Variants in BMPR1A observed in about 807,000 individuals in gnomAD.
BMPR1A encodes the protein bone morphogenetic protein receptor type 1A.
In BMPR1A, 7 loss-of-function variants were observed where a neutral mutation model predicts 66.0. The observed-to-expected ratio is 0.11, with a 90% confidence interval of 0.06 to 0.20. BMPR1A has a LOEUF of 0.20. Among genes scored for constraint, BMPR1A ranks in the 10% least tolerant of loss-of-function variants. The pLI, the probability that BMPR1A is intolerant of heterozygous loss-of-function variation, is 1.00. For missense variants in BMPR1A, 408 were observed against 669.1 expected (o/e 0.61, Z 4.31); for synonymous variants, 200 against 229.7 (o/e 0.87, Z 1.17).
Position 86,791,287 on chromosome 10 carries a change from A to G in BMPR1A, c.-268+34368A>G, listed in dbSNP as rs556243282. 4.7e-5 allele frequency among the ~76,000 whole-genome samples: 7 copies of G among 149,084 alleles called. No homozygotes were observed. The South Asian group carries it at 1.5e-3, about 32-fold the overall frequency. On this transcript the variant is annotated intron_variant, in intron 1 of 12. Coordinates refer to ENST00000372037, the MANE Select transcript of BMPR1A (RefSeq NM_004329.3). ...GAGTGCAGTGGTGCGATCTCGGCTC[A>G]CTGCAAGCTCCGCCTCCTGGGTTCA...
chr10:86,915,525 T>C (rs7918681), intron 8 of BMPR1A, among the ~76,000 whole-genome samples: 8,990 of 151,568 alleles, frequency 0.059, 628 homozygotes, highest in African/African-American at 0.17. Context: ...GGTCAGGTGT[T>C]CGAGACCAGT....
At chr10:86,817,836 A>G (rs564296072) in intron 1 of BMPR1A, among the ~76,000 whole-genome samples, 1 of 152,346 alleles carries the variant, frequency 6.6e-6, no homozygotes, top group Admixed American at 6.5e-5. Flanking sequence ...AAAACTGGAG[A>G]AAGAGAACCC....
intron 2 of BMPR1A, among the ~76,000 whole-genome samples, chr10:86,849,190 G>C (rs61858633): frequency 0.023 from 3,562 of 152,180 alleles, 66 homozygotes; most frequent in Non-Finnish European, 0.035. Context: ...TTATTCCTTT[G>C]TTCTTTAGGA....
intron 3 of BMPR1A, among the ~76,000 whole-genome samples, chr10:86,879,372 G>A (rs967154113): frequency 5.9e-5 from 9 of 152,170 alleles, no homozygotes; most frequent in African/African-American, 2.2e-4. Context: ...ATATGCTCTT[G>A]TGTTAAATCA....
chr10:86,897,715 TC>T (rs1312263564), intron 5 of BMPR1A, among the ~76,000 whole-genome samples: 3 of 152,098 alleles, frequency 2.0e-5, no homozygotes, highest in African/African-American at 7.2e-5. Flanking sequence ...CAAGTGATCC[TC>T]CCACCTCAGC....
intron 1 of BMPR1A, among the ~76,000 whole-genome samples, chr10:86,817,520 T>G (rs1369480077): frequency 6.6e-6 from 1 of 152,216 alleles, no homozygotes; most frequent in African/African-American, 2.4e-5. Context: ...ACTTTCACAT[T>G]TTAGCTGTTG....
intron 2 of BMPR1A, among the ~76,000 whole-genome samples, chr10:86,848,073 A>T (rs1051421820): frequency 1.8e-4 from 27 of 151,958 alleles, no homozygotes; most frequent in Non-Finnish European, 3.4e-4. Context: ...CTGGGACTAC[A>T]GGCGCCTGCC....
intron 2 of BMPR1A, chr10:86,854,962 A>G: frequency 5.9e-6 from 1 of 168,468 alleles, no homozygotes; most frequent in Non-Finnish European, 1.2e-5. Context: ...TTTGAGACAG[A>G]GTCTCCCTCT....
intron 11 of BMPR1A, 146 bp downstream of exon 11, chr10:86,921,841 G>T (rs994047228): frequency 1.8e-5 from 18 of 991,430 alleles, no homozygotes; most frequent in Non-Finnish European, 2.3e-5. Context: ...TTTGATACAG[G>T]CATGCCATGT....
intron 7 of BMPR1A, among the ~76,000 whole-genome samples, chr10:86,911,799 A>G (rs750262451): frequency 2.0e-5 from 3 of 152,198 alleles, no homozygotes; most frequent in Non-Finnish European, 4.4e-5. Context: ...ACAGAAAAAA[A>G]AAAGCTGAAC....
chr10:86,757,389 T>TGGCCCCC (rs1564674298), intron 1 of BMPR1A, among the ~76,000 whole-genome samples: 2 of 152,142 alleles, frequency 1.3e-5, no homozygotes, highest in Non-Finnish European at 2.9e-5. Context: ...GAAGGGGCCC[T>TGGCCCCC]GGCCCCCGAG....
chr10:86,846,912 A>C (rs991828025), intron 2 of BMPR1A, among the ~76,000 whole-genome samples: 1 of 152,160 alleles, frequency 6.6e-6, no homozygotes, highest in African/African-American at 2.4e-5. Context: ...ATTTTTTCTT[A>C]ATTTAAGCTT....
chr10:86,858,885 A>G (rs2133222125), intron 2 of BMPR1A, among the ~76,000 whole-genome samples: 1 of 152,334 alleles, frequency 6.6e-6, no homozygotes, highest in Middle Eastern at 3.4e-3. Context: ...ATCCCTATCA[A>G]AATACCAGTG....
chr10:86,783,499 G>A (rs550310994), intron 1 of BMPR1A, among the ~76,000 whole-genome samples: 1 of 152,152 alleles, frequency 6.6e-6, no homozygotes, highest in African/African-American at 2.4e-5. Context: ...TTTCCCATTT[G>A]TGTGTTTAAT....
intron 3 of BMPR1A, among the ~76,000 whole-genome samples, chr10:86,877,414 A>C (rs375307690): frequency 2.4e-3 from 363 of 152,146 alleles, no homozygotes; most frequent in African/African-American, 8.3e-3. Context: ...TCACCGTGTT[A>C]GCCAGGATGG....
At chr10:86,806,834 G>A (rs1294400216) in intron 1 of BMPR1A, among the ~76,000 whole-genome samples, 1 of 152,040 alleles carries the variant, frequency 6.6e-6, no homozygotes, top group East Asian at 1.9e-4. Context: ...ACAGGCATGA[G>A]CCACTGTACC....
chr10:86,795,008 C>G lies in BMPR1A; in HGVS notation c.-268+38089C>G, dbSNP rs565563932. On this transcript the variant is annotated intron_variant, in intron 1 of 12. Coordinates refer to ENST00000372037, the MANE Select transcript of BMPR1A (RefSeq NM_004329.3). ...CTGGGATTACAGGCATGCACCACCA[C>G]AACTAGCTAATTTTGTATTTTTAGT... Among the ~76,000 whole-genome samples, 8 of 151,942 alleles carry G rather than the reference C, an allele frequency of 5.3e-5. No homozygotes were observed. In the South Asian group the frequency reaches 1.7e-3, roughly 32 times the overall value.
At chr10:86,913,254 G>A (rs1193560949) in intron 8 of BMPR1A, among the ~76,000 whole-genome samples, 1 of 150,966 alleles carries the variant, frequency 6.6e-6, no homozygotes, top group African/African-American at 2.4e-5. Flanking sequence ...CTCCGAAGTA[G>A]CTGGAATTAC....
rs1564717888 is a variant in BMPR1A at position 86,900,068 on chromosome 10, A to C, written c.472A>C (p.Ile158Leu). 1 of 1,614,062 alleles carries C rather than the reference A, an allele frequency of 6.2e-7. No individual in the cohort carries two copies. ...DGSIRWLVLL[I>L]SMAVCIIAMI... is the part of the protein sequence containing the mutation. ...CAGCATTCGATGGCTGGTTTTGCTC[A>C]TTTCTATGGCTGTCTGCATAATTGC... is the stretch of plus-strand genomic sequence containing the variant. The change falls in exon 7 of 13, where the codon ATT becomes CTT. Residue 158 changes from isoleucine to leucine, a missense_variant. Around this residue, in one of 5 missense-constraint regions of BMPR1A, gnomAD observed 174 missense variants for 265.1 expected, o/e 0.66. Coordinates refer to ENST00000372037, the MANE Select transcript of BMPR1A (RefSeq NM_004329.3).
Sources: gnomAD v4.1 joint callset for allele counts (sites outside exome capture counted in the v4.1 genomes callset) on GRCh38, gnomAD v4.1.1 for gene constraint, gnomAD v4.1.1 regional missense constraint, MANE v1.5 for transcripts, NCBI Gene and HGNC (gene_info 2026-07-23, HGNC 2026-07-21) for gene names.